Variants in PEX39 observed in about 807,000 individuals in gnomAD.
PEX39 encodes peroxisomal biogenesis factor 39, also known as peroxin-39.
At chr6:42,890,521 C>A in the PEX39 span, 1 of 1,564,588 alleles carries the variant, frequency 6.4e-7, no homozygotes, top group Admixed American at 1.8e-5. Flanking sequence ...GGCGCAGTCG[C>A]TGCCTCAACC....
At chr6:42,890,630 C>G in the PEX39 span, 1 of 1,612,640 alleles carries the variant, frequency 6.2e-7, no homozygotes. Context: ...TCCGCGGCAG[C>G]CGGGACGCTG....
chr6:42,890,574 G>C, the PEX39 span: 5 of 1,609,126 alleles, frequency 3.1e-6, no homozygotes, highest in Non-Finnish European at 4.2e-6. Flanking sequence ...GAGGGTCGGA[G>C]GGGGAAGGGA....
chr6:42,890,810 G>A, the PEX39 span: 3 of 1,552,448 alleles, frequency 1.9e-6, no homozygotes, highest in Non-Finnish European at 2.6e-6. Context: ...AATCCTGACC[G>A]GCGTGTAATG....
chr6:42,890,471 G>A, the PEX39 span: 5 of 1,499,872 alleles, frequency 3.3e-6, no homozygotes, highest in Non-Finnish European at 3.6e-6. Context: ...CCGCCGCAAA[G>A]GACCTGGAAC....
At chr6:42,890,675 C>G in the PEX39 span, 4 of 1,612,858 alleles carry the variant, frequency 2.5e-6, no homozygotes, top group Non-Finnish European at 3.4e-6. Flanking sequence ...TGTGGCGTTT[C>G]TCCAGGCCCG....
chr6:42,890,537 A>C, the PEX39 span: 1 of 1,582,410 alleles, frequency 6.3e-7, no homozygotes, highest in South Asian at 1.1e-5. Context: ...CAACCAAGCC[A>C]GGCTCCGCCG....
the PEX39 span, chr6:42,890,586 T>C: frequency 2.5e-6 from 4 of 1,611,422 alleles, no homozygotes; most frequent in Non-Finnish European, 3.4e-6. Flanking sequence ...GGGAAGGGAC[T>C]CAGCCAAAGC....
chr6:42,890,586 T>G, the PEX39 span: 2 of 1,611,422 alleles, frequency 1.2e-6, no homozygotes, highest in South Asian at 2.2e-5. Flanking sequence ...GGGAAGGGAC[T>G]CAGCCAAAGC....
the PEX39 span, chr6:42,890,696 G>T: frequency 6.2e-7 from 1 of 1,612,592 alleles, no homozygotes; most frequent in Non-Finnish European, 8.5e-7. Flanking sequence ...GGAGTTCCTG[G>T]CCCTGCTGGA....
At chr6:42,890,462 C>T in the PEX39 span, 14 of 1,496,996 alleles carry the variant, frequency 9.4e-6, no homozygotes, top group Non-Finnish European at 1.2e-5. Context: ...TCCAGATCGC[C>T]GCCGCAAAGG....
chr6:42,890,352 C>T, the PEX39 span: 2 of 798,602 alleles, frequency 2.5e-6, no homozygotes, highest in East Asian at 3.2e-5. Context: ...AATGCAAAAC[C>T]CCCATGGTGG....
chr6:42,890,451 C>T, the PEX39 span: 29 of 1,496,296 alleles, frequency 1.9e-5, no homozygotes, highest in Non-Finnish European at 2.6e-5. Context: ...TAGCCACGCC[C>T]TCCAGATCGC....
the PEX39 span, chr6:42,890,502 C>T: frequency 3.9e-6 from 6 of 1,546,846 alleles, no homozygotes; most frequent in South Asian, 7.4e-5. Context: ...CACTGTATGC[C>T]ATGAAGAAGG....
chr6:42,890,532 A>G, the PEX39 span: 1 of 1,577,588 alleles, frequency 6.3e-7, no homozygotes, highest in South Asian at 1.1e-5. Context: ...TGCCTCAACC[A>G]AGCCAGGCTC....
chr6:42,890,486 G>T, the PEX39 span: 122 of 1,516,374 alleles, frequency 8.0e-5, no homozygotes, highest in Non-Finnish European at 1.0e-4. Flanking sequence ...TGGAACCTCA[G>T]GGGCCCACTG....
At chr6:42,890,291 A>G in the PEX39 span, 2 of 441,616 alleles carry the variant, frequency 4.5e-6, no homozygotes, top group Non-Finnish European at 4.0e-6. Context: ...TTTATTACAT[A>G]TAAGGACTGA....
chr6:42,890,677 C>G, the PEX39 span: 13 of 1,612,852 alleles, frequency 8.1e-6, no homozygotes, highest in Middle Eastern at 3.3e-4. Context: ...TGGCGTTTCT[C>G]CAGGCCCGGG....
chr6:42,890,563 T>C, the PEX39 span: 1 of 1,606,696 alleles, frequency 6.2e-7, no homozygotes. Flanking sequence ...GTTCCTATCC[T>C]GAGGGTCGGA....
chr6:42,890,645 T>C, the PEX39 span: 1 of 1,612,758 alleles, frequency 6.2e-7, no homozygotes, highest in South Asian at 1.1e-5. Context: ...ACGCTGTGGG[T>C]TCGCCGTGGA....
Sources: gnomAD v4.1 joint callset for allele counts on GRCh38, gnomAD v4.1.1 for gene constraint, MANE v1.5 for transcripts, NCBI Gene and HGNC (gene_info 2026-07-23, HGNC 2026-07-21) for gene names.